Variants in RNF216 observed in about 807,000 individuals in gnomAD.
The protein encoded by RNF216 is ring finger protein 216, also known as E3 ubiquitin-protein ligase RNF216.
In RNF216, 72 loss-of-function variants were observed where a neutral mutation model predicts 110.8. The ratio of observed to expected loss-of-function variants is 0.65; its 90% confidence interval spans 0.54 to 0.79. RNF216 has a LOEUF of 0.79. RNF216 is among the 30% of genes least tolerant of loss of function. RNF216 has a pLI of 0.00. For synonymous variants in RNF216, 495 were observed against 407.5 expected, an observed-to-expected ratio of 1.21 and a Z score of -2.59; for missense variants, 1,342 against 1,141.2, an observed-to-expected ratio of 1.18 and a Z score of -2.54.
intron 3 of RNF216, among the ~76,000 whole-genome samples, chr7:5,748,657 C>CACAT (rs1795172715): frequency 7.6e-6 from 1 of 131,450 alleles, no homozygotes; most frequent in African/African-American, 2.8e-5. Flanking sequence ...CACACACACA[C>CACAT]ATAATATACT....
intron 1 of RNF216, among the ~76,000 whole-genome samples, chr7:5,778,671 T>C (rs903111625): frequency 6.6e-6 from 1 of 152,252 alleles, no homozygotes; most frequent in African/African-American, 2.4e-5. Flanking sequence ...GGGTCCAAAC[T>C]GAGTTCAAGT....
Position 5,715,176 on chromosome 7 carries a change from A to T in RNF216, c.1710T>A (p.Ile570=), listed in dbSNP as rs1209685930. 6.2e-7 allele frequency: 1 copy of T among 1,613,242 alleles called. No individual in the cohort carries two copies. Among genetic ancestry groups the T allele is most frequent in the Non-Finnish European group, 8.5e-7 (1 of 1,179,878 alleles). Residue 570 remains isoleucine, a synonymous_variant, in exon 11 of 17, where the codon ATT becomes ATA. Transcript: ENST00000389902. The part of the protein sequence containing the change: ...EEQYQKDGQL[I]ECRCCYGEFP... ...ATTCCCCATAGCAGCAGCGACACTC[A>T]ATCAGCTGGCCATCCTGCAGGCAGT...
chr7:5,732,949 T>A (rs1159006283), intron 5 of RNF216: 1 of 152,212 alleles, frequency 6.6e-6, no homozygotes, highest in Non-Finnish European at 1.5e-5. Context: ...AGGTCTAAGT[T>A]AACCAGCCAA....
intron 5 of RNF216, among the ~76,000 whole-genome samples, chr7:5,734,329 T>A (rs191037867): frequency 6.6e-6 from 1 of 152,068 alleles, no homozygotes; most frequent in Non-Finnish European, 1.5e-5. Context: ...TAATGCTGAG[T>A]GAAAAGAAAT....
intron 15 of RNF216, among the ~76,000 whole-genome samples, chr7:5,638,803 T>G (rs11979543): frequency 0.015 from 2,248 of 151,860 alleles, 48 homozygotes; most frequent in African/African-American, 0.051. Context: ...TCTGGCTAAT[T>G]TTTGATATTT....
chr7:5,647,824 C>T (rs1313994972), intron 14 of RNF216, among the ~76,000 whole-genome samples: 2 of 152,142 alleles, frequency 1.3e-5, no homozygotes, highest in Non-Finnish European at 2.9e-5. Flanking sequence ...TATAATACTA[C>T]AAACCTATAT....
At chr7:5,778,982 G>A (rs1221846095) in intron 1 of RNF216, among the ~76,000 whole-genome samples, 2 of 152,238 alleles carry the variant, frequency 1.3e-5, no homozygotes, top group Non-Finnish European at 1.5e-5. Context: ...GACCTTAGGT[G>A]ATCTGCCCGC....
At chr7:5,644,100 G>GT (rs199543105) in intron 14 of RNF216, among the ~76,000 whole-genome samples, 2,277 of 151,984 alleles carry the variant, frequency 0.015, 32 homozygotes, top group South Asian at 0.034. Flanking sequence ...GATGGATTGA[G>GT]TTTTTTTTGC....
intron 13 of RNF216, among the ~76,000 whole-genome samples, chr7:5,708,878 C>T (rs977010083): frequency 1.3e-5 from 2 of 152,120 alleles, no homozygotes; most frequent in Admixed American, 6.5e-5. Flanking sequence ...CTCTACTCTT[C>T]CCCTGGACCC....
chr7:5,720,448 A>G (rs1338184068), intron 9 of RNF216, among the ~76,000 whole-genome samples: 1 of 152,234 alleles, frequency 6.6e-6, no homozygotes, highest in African/African-American at 2.4e-5. Context: ...AAACGTGCTC[A>G]TCGACTATTA....
In RNF216 at chr7:5,729,476, A is replaced by C; in HGVS notation, c.1345T>G (p.Trp449Gly). The change falls in exon 7 of 17, where the codon TGG becomes GGG. Residue 449 changes from tryptophan to glycine, a missense_variant. Physicochemically the swap from Trp to Gly is radical, Grantham distance 184. Coordinates refer to ENST00000389902, the MANE Select transcript of RNF216 (RefSeq NM_207111.4). ...TGTCCTTTGAGCTCGTGCAGGGCCC[A>C]CTTGATGTCCTGACTACTGAGCACT... is the stretch of plus-strand genomic sequence containing the variant. Reference protein sequence around the residue: ...FKVLSSQDIKWALHELKGHYA... With the variant: ...FKVLSSQDIKGALHELKGHYA... 6.2e-7 allele frequency: 1 copy of C among 1,614,168 alleles called. No individual in the cohort carries two copies. Among genetic ancestry groups the C allele is most frequent in the Non-Finnish European group, 8.5e-7 (1 of 1,180,014 alleles).
intron 1 of RNF216, among the ~76,000 whole-genome samples, chr7:5,765,164 A>G (rs1028839221): frequency 2.0e-5 from 3 of 152,202 alleles, no homozygotes; most frequent in Admixed American, 6.5e-5. Context: ...AGAGCTATTA[A>G]AAAAATGAAC....
At chr7:5,766,605 G>GA (rs1336657592) in intron 1 of RNF216, among the ~76,000 whole-genome samples, 1 of 152,202 alleles carries the variant, frequency 6.6e-6, no homozygotes, top group Non-Finnish European at 1.5e-5. Flanking sequence ...CAACAATGCT[G>GA]AAACTCTATT....
intron 15 of RNF216, among the ~76,000 whole-genome samples, chr7:5,637,536 C>G (rs1562777249): frequency 6.6e-6 from 1 of 152,146 alleles, no homozygotes; most frequent in African/African-American, 2.4e-5. Context: ...GAGTAGCTCT[C>G]AGGATTATAC....
At chr7:5,670,516 T>C (rs1789835742) in intron 13 of RNF216, among the ~76,000 whole-genome samples, 1 of 152,218 alleles carries the variant, frequency 6.6e-6, no homozygotes, top group African/African-American at 2.4e-5. Context: ...CAGTTAATCA[T>C]GTATGAAACA....
In RNF216 at chr7:5,624,041, G is replaced by A. The variant is rs1786556318; in HGVS notation, c.2452+15C>T. 6.2e-7 allele frequency: 1 copy of A among 1,611,512 alleles called. No individual in the cohort carries two copies. The highest frequency in any genetic ancestry group is 8.5e-7 in the Non-Finnish European group (1 of 1,178,672). On this transcript the variant is annotated intron_variant, in intron 16 of 16. Coordinates refer to ENST00000389902, the MANE Select transcript of RNF216 (RefSeq NM_207111.4). The surrounding 1 kb of genome is among the most constrained non-coding windows in gnomAD (Gnocchi z 4.4). ...GCTGCTGCTCTGTCCTGGGGGCCTG[G>A]GGAGGGGCACTTGCCTCCATTCTTT...
At chr7:5,753,045 T>A in intron 2 of RNF216, 66 bp from the exon 3 acceptor site, 1 of 1,535,690 alleles carries the variant, frequency 6.5e-7, no homozygotes, top group Non-Finnish European at 8.8e-7. Context: ...CTTTAAGTTT[T>A]TCCTGACAGG....
intron 1 of RNF216, among the ~76,000 whole-genome samples, chr7:5,768,364 C>CACAG (rs969355208): frequency 4.1e-5 from 6 of 148,134 alleles, no homozygotes; most frequent in Admixed American, 6.8e-5. Flanking sequence ...CACACACACA[C>CACAG]ACACACACAC....
In RNF216 at chr7:5,678,467, C is replaced by T. The variant is rs558500497; in HGVS notation, c.2062-25957G>A. ...AAAAATGAGATTCAGAGATTCATGCCACCTGGCGTCCCCACATGACCTGGT... is the reference window on the plus strand; with the variant it reads ...AAAAATGAGATTCAGAGATTCATGCTACCTGGCGTCCCCACATGACCTGGT... On this transcript the variant is annotated intron_variant, in intron 13 of 16. Coordinates refer to ENST00000389902, the MANE Select transcript of RNF216 (RefSeq NM_207111.4). Among the ~76,000 whole-genome samples, 11 of 152,316 alleles carry T rather than the reference C, an allele frequency of 7.2e-5. No individual in the cohort carries two copies. In the South Asian group the frequency reaches 2.3e-3, roughly 32 times the overall value.
Sources: allele counts gnomAD v4.1 joint callset (sites outside exome capture counted in the v4.1 genomes callset), GRCh38; gene constraint gnomAD v4.1.1; non-coding constraint Gnocchi (gnomAD v3.1); transcripts MANE v1.5; gene names NCBI Gene and HGNC (gene_info 2026-07-23, HGNC 2026-07-21).